PRMT8: variants seen among roughly 807,000 people sequenced by gnomAD.
PRMT8 encodes protein arginine N-methyltransferase 8.
A neutral mutation model predicts 47.1 loss-of-function variants in PRMT8; 7 were observed. The observed-to-expected ratio is 0.15, with a 90% CI of 0.08 to 0.28. The LOEUF (loss-of-function observed/expected upper bound fraction) is 0.28. Among genes scored for constraint, PRMT8 ranks in the 10% least tolerant of loss-of-function variants. PRMT8 has a pLI of 1.00. For missense variants in PRMT8, 237 were observed against 505.4 expected (o/e 0.47, Z 5.09); for synonymous variants, 188 against 186.5 (o/e 1.01, Z -0.07).
intron 1 of PRMT8, among the ~76,000 whole-genome samples, chr12:3,467,375 C>A (rs1865111440): frequency 6.6e-6 from 1 of 152,072 alleles, no homozygotes; most frequent in African/African-American, 2.4e-5. Flanking sequence ...CGCACAGACA[C>A]CCGAGCAGTC....
chr12:3,530,370 A>G (rs1050339413), intron 1 of PRMT8, among the ~76,000 whole-genome samples: 1 of 152,204 alleles, frequency 6.6e-6, no homozygotes, highest in Non-Finnish European at 1.5e-5. Context: ...ACAGACATAT[A>G]AAATCTGGTT....
At chr12:3,470,685 G>T (rs962405271) in intron 1 of PRMT8, among the ~76,000 whole-genome samples, 1 of 149,810 alleles carries the variant, frequency 6.7e-6, no homozygotes, top group African/African-American at 2.5e-5. Flanking sequence ...TGGTCCCGGT[G>T]TCCAGGGCGG....
At chr12:3,405,759 G>C (rs2137053429) in intron 1 of PRMT8, among the ~76,000 whole-genome samples, 1 of 152,336 alleles carries the variant, frequency 6.6e-6, no homozygotes, top group South Asian at 2.1e-4. Context: ...GGGCTCCATA[G>C]CCTTGGGCAG....
At chr12:3,481,332 G>A (rs1297407718) in intron 1 of PRMT8, among the ~76,000 whole-genome samples, 1 of 152,212 alleles carries the variant, frequency 6.6e-6, no homozygotes, top group East Asian at 1.9e-4. Context: ...ATTATCCTGT[G>A]AGTGGAAGAT....
rs1203239140 is a variant in PRMT8, at chr12:3,409,553, G to A, written c.48+28111G>A. ...TGACTCTATTCATCGAGGAGGTGGG[G>A]TGCTTCAGCAGCTCCGAATCTGGGG... On this transcript the variant is annotated intron_variant, in intron 1 of 9. Coordinates refer to the PRMT8 transcript ENST00000452611. The surrounding 1 kb of genome is among the most constrained non-coding windows in gnomAD (Gnocchi z 4.4). 6.8e-6 allele frequency among the ~76,000 whole-genome samples: 1 copy of A among 147,552 alleles called. No individual in the cohort carries two copies. The highest frequency in any genetic ancestry group is 1.5e-5 in the Non-Finnish European group (1 of 67,200).
At chr12:3,541,948 C>T (rs998939018) in intron 2 of PRMT8, among the ~76,000 whole-genome samples, 7 of 152,096 alleles carry the variant, frequency 4.6e-5, no homozygotes, top group African/African-American at 1.7e-4. Context: ...TGCGTGTGTG[C>T]GTGTGTGAAA....
rs933946814 is a variant in PRMT8 at position 3,445,749 on chromosome 12, T to A, written c.48+64307T>A. ...TGGAGATTCTGAAAAGGAAATACTCTCCAGTGGCCCCACATACACATGCAT... is the reference window on the plus strand; with the variant it reads ...TGGAGATTCTGAAAAGGAAATACTCACCAGTGGCCCCACATACACATGCAT... On this transcript the variant is annotated intron_variant, in intron 1 of 9. Coordinates refer to the PRMT8 transcript ENST00000452611. Among the ~76,000 whole-genome samples the A allele has an allele frequency of 2.0e-5, 3 of 152,226 alleles. No homozygotes were observed. The South Asian group carries it at 6.2e-4, about 32-fold the overall frequency.
At chr12:3,462,899 T>A (rs1389245220) in intron 1 of PRMT8, 3 of 152,038 alleles carry the variant, frequency 2.0e-5, no homozygotes, top group South Asian at 4.1e-4. Context: ...GTAGCATAAC[T>A]GCAGGCGGAT....
At chr12:3,448,374 T>C (rs1864880342) in intron 1 of PRMT8, among the ~76,000 whole-genome samples, 1 of 152,250 alleles carries the variant, frequency 6.6e-6, no homozygotes, top group Non-Finnish European at 1.5e-5. Flanking sequence ...TATCTATTGA[T>C]AGTTATTGTA....
rs1866466853 is a variant in PRMT8 at position 3,553,586 on chromosome 12, A to C, written c.418-65A>C. On this transcript the variant is annotated intron_variant, in intron 3 of 9. Transcript: ENST00000382622. ...TGGGCCTCAGCGTCTCTATCCATTG[A>C]ATCGGTGTGGGTCTTGCTGTGATTT... The C allele has an allele frequency of 3.0e-6, 4 of 1,343,878 alleles. No individual in the cohort carries two copies. The East Asian group carries it at 9.2e-5, about 31-fold the overall frequency. 83.2% of individuals were successfully genotyped at this position (1,343,878 alleles called of 1,614,324 possible). A position where few individuals can be genotyped will look rare whatever the true frequency, so the allele number is the denominator to read the frequency against.
At chr12:3,548,655 A>G (rs1468556104) in intron 2 of PRMT8, among the ~76,000 whole-genome samples, 1 of 152,248 alleles carries the variant, frequency 6.6e-6, no homozygotes, top group Non-Finnish European at 1.5e-5. Context: ...TACATCCACT[A>G]GGATGGCTAA....
intron 1 of PRMT8, among the ~76,000 whole-genome samples, chr12:3,530,951 C>T (rs2137153156): frequency 6.6e-6 from 1 of 152,302 alleles, no homozygotes; most frequent in East Asian, 1.9e-4. Context: ...ATAGGGAAGG[C>T]TCAATGGCCT....
At chr12:3,521,247 G>A (rs964990268) in intron 1 of PRMT8, among the ~76,000 whole-genome samples, 2 of 152,116 alleles carry the variant, frequency 1.3e-5, no homozygotes, top group African/African-American at 2.4e-5. Context: ...AAGTCACTGG[G>A]GTCGCCCAGG....
Position 3,514,446 on chromosome 12 carries a change from C to T in PRMT8, c.75+22746C>T, listed in dbSNP as rs1056999478. The stretch of plus-strand genomic sequence containing the variant: ...TTAGAGAGGGGTTGCTCACCCAGGC[C>T]TGCAGAGCCTCTCCAAATCCATCCG... On this transcript the variant is annotated intron_variant, in intron 1 of 9. Coordinates refer to ENST00000382622, the MANE Select transcript of PRMT8 (RefSeq NM_019854.5). This position sits in a 1 kb window ranked among gnomAD's most constrained non-coding sequence, Gnocchi z 5.9. 6.6e-6 allele frequency among the ~76,000 whole-genome samples: 1 copy of T among 152,164 alleles called. No individual in the cohort carries two copies. The highest frequency in any genetic ancestry group is 1.5e-5 in the Non-Finnish European group (1 of 68,038).
At chr12:3,543,061 C>A (rs1258091596) in intron 2 of PRMT8, among the ~76,000 whole-genome samples, 2 of 152,236 alleles carry the variant, frequency 1.3e-5, no homozygotes, top group Non-Finnish European at 2.9e-5. Context: ...ATAGTGCGGG[C>A]TGAGCAGGGG....
intron 1 of PRMT8, among the ~76,000 whole-genome samples, chr12:3,434,046 G>T (rs112408887): frequency 8.5e-5 from 13 of 152,332 alleles, no homozygotes; most frequent in African/African-American, 2.9e-4. Context: ...GGTCCCCATA[G>T]GCGGGAGCAG....
chr12:3,423,940 G>A (rs774913430), intron 1 of PRMT8, among the ~76,000 whole-genome samples: 5 of 152,062 alleles, frequency 3.3e-5, no homozygotes, highest in Admixed American at 6.5e-5. Context: ...TTTTTGAGCC[G>A]GGAATTCGTC....
At chr12:3,527,197 T>C (rs926135557) in intron 1 of PRMT8, among the ~76,000 whole-genome samples, 1 of 152,180 alleles carries the variant, frequency 6.6e-6, no homozygotes, top group Admixed American at 6.5e-5. Context: ...ACCTTATATA[T>C]AGTAATCCCT....
intron 1 of PRMT8, among the ~76,000 whole-genome samples, chr12:3,448,952 T>C (rs548621029): frequency 3.7e-4 from 57 of 152,260 alleles, no homozygotes; most frequent in African/African-American, 1.4e-3. Flanking sequence ...GTGTTCTCAT[T>C]GTTCAGCTCC....
Sources: gnomAD v4.1 joint callset for allele counts (sites outside exome capture counted in the v4.1 genomes callset) on GRCh38, gnomAD v4.1.1 for gene constraint, Gnocchi (gnomAD v3.1) non-coding constraint, MANE v1.5 for transcripts, NCBI Gene and HGNC (gene_info 2026-07-23, HGNC 2026-07-21) for gene names.